DNAH3: variants seen among roughly 807,000 people sequenced by gnomAD.
The protein encoded by DNAH3 is axonemal beta dynein heavy chain 3.
In DNAH3, 332 loss-of-function variants were observed where a neutral mutation model predicts 432.5. That is an observed-to-expected ratio of 0.77 (90% CI 0.70 to 0.84). DNAH3 has a LOEUF of 0.84. Ranked by LOEUF, DNAH3 falls within the 40% of genes least tolerant of loss-of-function variation. The pLI is 0.00. For synonymous variants in DNAH3, 1,956 were observed against 1,900.2 expected (o/e 1.03, Z -0.76); for missense variants, 4,861 against 5,114.0 (o/e 0.95, Z 1.51).
At chr16:21,121,168 T>C (rs1463909747) in intron 10 of DNAH3, 2 of 454,208 alleles carry the variant, frequency 4.4e-6, no homozygotes, top group African/African-American at 2.0e-5. Flanking sequence ...CCCTTCCCTA[T>C]ATGGAACTGG....
At position 21,153,769 on chromosome 16, in the gene DNAH3, C is replaced by T. The variant is rs143716394; in HGVS notation, c.117+5556G>A. Among the ~76,000 whole-genome samples the T allele has an allele frequency of 7.7e-3, 1,169 of 152,192 alleles. 7 individuals are homozygous for T. Among genetic ancestry groups the T allele is most frequent in the Non-Finnish European group, 0.011 (754 of 68,002 alleles). ...ACCTTAAGAGCTGTAACACTCACCG[C>T]GAGGGCCCACGGCTTCATTCTTGAA... is the stretch of plus-strand genomic sequence containing the variant. On this transcript the variant is annotated intron_variant, in intron 1 of 61. Transcript: ENST00000261383.
exon 32 of DNAH3, chr16:21,042,159 T>C: frequency 1.2e-6 from 2 of 1,612,324 alleles, no homozygotes; most frequent in Admixed American, 1.7e-5. Context: ...TGATGGCTTG[T>C]TGGATGCTGA....
rs770057800 is a variant in DNAH3, at chr16:20,944,453, G to T, written c.11511+43C>A. On this transcript the variant is annotated intron_variant, in intron 58 of 61. Coordinates refer to ENST00000261383, the Ensembl canonical transcript of DNAH3. ...CTGTGTGCCCACTGGATGAAGAACT[G>T]CCTGGGAAATAGGATTAAGCCCCCT... 3.7e-6 allele frequency: 6 copies of T among 1,608,900 alleles called. No individual in the cohort carries two copies. In the East Asian group the frequency reaches 1.3e-4, roughly 36 times the overall value.
At chr16:21,078,860 C>G (rs2091071888) in intron 20 of DNAH3, among the ~76,000 whole-genome samples, 2 of 152,184 alleles carry the variant, frequency 1.3e-5, no homozygotes, top group African/African-American at 4.8e-5. Flanking sequence ...GGAATACATG[C>G]AATATCACAC....
chr16:21,034,217 C>T (rs946921907), intron 35 of DNAH3, 132 bp from the exon 36 acceptor site: 2 of 596,666 alleles, frequency 3.4e-6, no homozygotes, highest in Middle Eastern at 3.1e-4. Context: ...TGGAGAACTT[C>T]GGTTCTTTTC....
intron 7 of DNAH3, among the ~76,000 whole-genome samples, chr16:21,129,656 G>C: frequency 6.6e-6 from 1 of 151,724 alleles, no homozygotes; most frequent in East Asian, 1.9e-4. Context: ...AGAATTGTTT[G>C]AACCTAGGAG....
chr16:20,933,819 G>A (rs993989955), intron 61 of DNAH3, among the ~76,000 whole-genome samples: 3 of 152,226 alleles, frequency 2.0e-5, no homozygotes, highest in Admixed American at 1.3e-4. Context: ...TCTGGATCTG[G>A]ATTTATAAAG....
chr16:20,995,076 C>A (rs2086707333), intron 44 of DNAH3, among the ~76,000 whole-genome samples: 1 of 152,060 alleles, frequency 6.6e-6, no homozygotes, highest in Non-Finnish European at 1.5e-5. Context: ...GCTGGGACTA[C>A]AGGTGCATGC....
At chr16:21,111,586 C>T in intron 14 of DNAH3, 40 bp downstream of exon 14, 1 of 1,571,140 alleles carries the variant, frequency 6.4e-7, no homozygotes, top group Non-Finnish European at 8.7e-7. Flanking sequence ...CCAGTTGGTG[C>T]CAAATACCAT....
At chr16:20,982,835 G>A (rs771435858) in exon 49 of DNAH3, 24 of 1,614,048 alleles carry the variant, frequency 1.5e-5, no homozygotes, top group Admixed American at 6.7e-5. Context: ...ATTGATCAGC[G>A]AAGGGAACAT....
chr16:21,111,373 C>G (rs916987701), intron 14 of DNAH3, among the ~76,000 whole-genome samples: 1 of 152,162 alleles, frequency 6.6e-6, no homozygotes, highest in Non-Finnish European at 1.5e-5. Flanking sequence ...TGCAAGAAGA[C>G]AAAAGCTTCA....
At chr16:21,031,856 T>C (rs896151039) in intron 36 of DNAH3, among the ~76,000 whole-genome samples, 17 of 152,146 alleles carry the variant, frequency 1.1e-4, no homozygotes, top group East Asian at 3.9e-4. Flanking sequence ...GGTGAAACCC[T>C]GTCTCCACTA....
At chr16:21,060,219 T>A in intron 26 of DNAH3, 45 bp downstream of exon 26, 1 of 1,475,794 alleles carries the variant, frequency 6.8e-7, no homozygotes, top group East Asian at 2.3e-5. Context: ...AATGTTCTCT[T>A]TAGTGCACTA....
At chr16:21,098,553 A>T in intron 17 of DNAH3, 63 bp downstream of exon 17, 6 of 1,507,290 alleles carry the variant, frequency 4.0e-6, no homozygotes, top group Non-Finnish European at 5.3e-6. Flanking sequence ...GGAAATTCAC[A>T]ACCAAGGATC....
intron 34 of DNAH3, 108 bp from the exon 35 acceptor site, chr16:21,036,956 C>G: frequency 1.1e-6 from 1 of 884,928 alleles, no homozygotes; most frequent in East Asian, 2.6e-5. Flanking sequence ...TTGAAAAATT[C>G]CAGACCTTAT....
At position 20,987,868 on chromosome 16, in the gene DNAH3, G is replaced by C; in HGVS notation, c.6726-19C>G. ...TCCGTACCTTGGGAGGAAAGGGATG[G>C]CACAGTAGTCAAGGAGGGGCCAGAA... On this transcript the variant is annotated intron_variant, in intron 45 of 61. Coordinates refer to ENST00000261383, the Ensembl canonical transcript of DNAH3. 6.2e-7 allele frequency: 1 copy of C among 1,614,090 alleles called. No individual in the cohort carries two copies. Among genetic ancestry groups the C allele is most frequent in the Non-Finnish European group, 8.5e-7 (1 of 1,179,978 alleles).
intron 42 of DNAH3, 54 bp downstream of exon 42, chr16:21,003,050 A>G: frequency 8.6e-7 from 1 of 1,160,906 alleles, no homozygotes; most frequent in South Asian, 1.3e-5. Context: ...ACCTGAGAGA[A>G]TATTTGGATG....
At chr16:21,023,786 G>GGTGTGTGTGTGTGTGTGTGTGTGT (rs3220045) in intron 39 of DNAH3, among the ~76,000 whole-genome samples, 1 of 146,384 alleles carries the variant, frequency 6.8e-6, no homozygotes, top group African/African-American at 2.5e-5. Context: ...CAGCTTTTGG[G>GGTGTGTGTGTGTGTGTGTGTGTGT]GTGTGTGTGT....
chr16:21,141,238 G>T, intron 4 of DNAH3, 62 bp downstream of exon 5: 1 of 1,159,164 alleles, frequency 8.6e-7, no homozygotes, highest in South Asian at 1.3e-5. Flanking sequence ...GCTTTAGTGA[G>T]ACCACATCCT....
Sources: gnomAD v4.1 joint callset for allele counts (sites outside exome capture counted in the v4.1 genomes callset) on GRCh38, gnomAD v4.1.1 for gene constraint, MANE v1.5 for transcripts, NCBI Gene and HGNC (gene_info 2026-07-23, HGNC 2026-07-21) for gene names.